BET1: variants seen among roughly 807,000 people sequenced by gnomAD.
BET1 encodes BET1 homolog.
Under a neutral mutation model 13.9 loss-of-function variants are expected in BET1, and 9 were observed. The observed-to-expected ratio is 0.65, with a 90% CI of 0.39 to 1.13. The LOEUF is 1.13. BET1 is among the 50% of genes most tolerant of loss of function. The pLI is 0.01. For missense variants in BET1, 127 were observed against 133.6 expected (o/e 0.95, Z 0.24); for synonymous variants, 39 against 47.3 (o/e 0.82, Z 0.72).
At chr7:93,966,212 A>G (rs1795170014) in intron 6 of BET1, among the ~76,000 whole-genome samples, 2 of 152,006 alleles carry the variant, frequency 1.3e-5, no homozygotes, top group Admixed American at 6.6e-5. Context: ...TAAAAGAAGC[A>G]GAGAGAATGG....
Position 93,972,569 on chromosome 7 carries a change from GCTTACATCT to G in BET1, c.*134_*137+5del, listed in dbSNP as rs1795273635. On this transcript the variant is annotated splice_donor_variant and splice_donor_5th_base_variant and 3_prime_UTR_variant and intron_variant and NMD_transcript_variant, in exon 6 of 7. Transcript: ENST00000357520. The stretch of plus-strand genomic sequence containing the variant: ...TGTGAGCTCTTTCCGCCCCATTTCT[GCTTACATCT>G]CTGGCTCCAGACTTTGATGTTTGGC... 2.0e-5 allele frequency: 3 copies of G among 151,754 alleles called. No homozygotes were observed. The South Asian group carries it at 6.2e-4, about 31-fold the overall frequency. The allele number at this position is 151,754 out of a possible 1,614,324, so 9.4% of individuals were successfully genotyped here. A position where few individuals can be genotyped will look rare whatever the true frequency, so the allele number is the denominator to read the frequency against.
intron 6 of BET1, among the ~76,000 whole-genome samples, chr7:93,967,468 A>G (rs941464183): frequency 6.6e-6 from 1 of 151,812 alleles, no homozygotes; most frequent in African/African-American, 2.4e-5. Flanking sequence ...TATTACTGGG[A>G]TCAATTCTCA....
intron 3 of BET1, 188 bp downstream of exon 3, chr7:93,996,077 C>T (rs992482114): frequency 3.1e-5 from 17 of 551,730 alleles, no homozygotes; most frequent in Non-Finnish European, 4.7e-5. Flanking sequence ...CACTTACATG[C>T]GTAAGACGAG....
chr7:94,000,083 A>G (rs1247977874), intron 1 of BET1, among the ~76,000 whole-genome samples: 2 of 151,436 alleles, frequency 1.3e-5, no homozygotes, highest in African/African-American at 4.8e-5. Flanking sequence ...GAAACGGCAT[A>G]GTTCAGGGTG....
downstream of BET1, chr7:93,991,650 A>G (rs1200993178): frequency 1.5e-5 from 4 of 270,304 alleles, no homozygotes; most frequent in South Asian, 5.7e-4. Context: ...CCTGTTTTAC[A>G]AACAGAGAAA....
chr7:93,989,697 G>A (rs965434654), downstream of BET1, among the ~76,000 whole-genome samples: 8 of 152,230 alleles, frequency 5.3e-5, no homozygotes, highest in African/African-American at 1.9e-4. Context: ...CACTGAGCCT[G>A]TGGAAATAGG....
intron 1 of BET1, among the ~76,000 whole-genome samples, chr7:94,002,809 C>A (rs1363355962): frequency 6.6e-6 from 1 of 152,132 alleles, no homozygotes; most frequent in Non-Finnish European, 1.5e-5. Flanking sequence ...TGAGTTCCTC[C>A]TATCTGGAAC....
chr7:93,984,409 G>A (rs1324496437), intron 4 of BET1, among the ~76,000 whole-genome samples: 1 of 152,140 alleles, frequency 6.6e-6, no homozygotes. Flanking sequence ...CATTTGAGAA[G>A]AGTTGGTGGA....
At chr7:94,003,374 A>AAT (rs1795956011) in intron 1 of BET1, among the ~76,000 whole-genome samples, 1 of 151,772 alleles carries the variant, frequency 6.6e-6, no homozygotes, top group Non-Finnish European at 1.5e-5. Context: ...TCAATCTTAT[A>AAT]ATGACTGAGA....
intron 4 of BET1, among the ~76,000 whole-genome samples, chr7:93,983,780 A>T (rs1795472944): frequency 6.6e-6 from 1 of 152,184 alleles, no homozygotes; most frequent in African/African-American, 2.4e-5. Flanking sequence ...AAAGGAAAAG[A>T]AATAAAGTCT....
chr7:93,999,157 G>A lies in BET1; in HGVS notation c.144+13C>T, dbSNP rs1795837229. The A allele has an allele frequency of 6.3e-7, 1 of 1,580,954 alleles. No homozygotes were observed. The highest frequency in any genetic ancestry group is 8.7e-7 in the Non-Finnish European group (1 of 1,154,612). The stretch of plus-strand genomic sequence containing the variant: ...ATGAATTAAAACACATATAATATTT[G>A]TTATATACTTACAGATTTTATAGCA... On this transcript the variant is annotated intron_variant, in intron 2 of 3. Coordinates refer to ENST00000222547, the MANE Select transcript of BET1 (RefSeq NM_005868.6).
Position 93,993,775 on chromosome 7 carries a change from T to C in BET1, c.*455A>G. 1 of 1,490,434 alleles carries C rather than the reference T, an allele frequency of 6.7e-7. No individual in the cohort carries two copies. The highest frequency in any genetic ancestry group is 1.4e-5 in the South Asian group (1 of 73,690). 92.3% of individuals were successfully genotyped at this position (1,490,434 alleles called of 1,614,324 possible). A position where few individuals can be genotyped will look rare whatever the true frequency, so the allele number is the denominator to read the frequency against. ...AAATAAAGGAGGAGAAGGGAGTATATCATTACAGTTGATGCAGTTAGGAAA... is the reference window on the plus strand; with the variant it reads ...AAATAAAGGAGGAGAAGGGAGTATACCATTACAGTTGATGCAGTTAGGAAA... On this transcript the variant is annotated 3_prime_UTR_variant, in exon 4 of 4. Coordinates refer to ENST00000222547, the MANE Select transcript of BET1 (RefSeq NM_005868.6).
chr7:93,991,626 A>G (rs1261111529), downstream of BET1: 1 of 188,424 alleles, frequency 5.3e-6, no homozygotes, highest in Non-Finnish European at 9.9e-6. Context: ...CTATATTTTT[A>G]TACAATTTTT....
intron 2 of BET1, among the ~76,000 whole-genome samples, 197 bp downstream of exon 2, chr7:93,998,973 A>T (rs73410558): frequency 0.047 from 7,117 of 152,258 alleles, 373 homozygotes; most frequent in African/African-American, 0.13. Context: ...TATTAAAAAA[A>T]ATCTATCTTT....
chr7:93,998,525 C>G (rs1202017563), intron 2 of BET1, among the ~76,000 whole-genome samples: 1 of 151,904 alleles, frequency 6.6e-6, no homozygotes, highest in Non-Finnish European at 1.5e-5. Context: ...ATGGTAAAAC[C>G]CTGTCTCTGC....
At chr7:93,991,844 G>A (rs1035973101), downstream of BET1, 90 of 966,906 alleles carry the variant, frequency 9.3e-5, no homozygotes, top group Non-Finnish European at 1.1e-4. Context: ...TTTATTGACT[G>A]CATAAACCCA....
intron 5 of BET1, among the ~76,000 whole-genome samples, chr7:93,972,896 G>A (rs1795280077): frequency 6.7e-6 from 1 of 148,708 alleles, no homozygotes; most frequent in East Asian, 2.0e-4. Flanking sequence ...GGAGGAAACT[G>A]TACATTTCAG....
chr7:93,969,918 T>C (rs370819580), intron 6 of BET1, among the ~76,000 whole-genome samples: 1 of 151,632 alleles, frequency 6.6e-6, no homozygotes, highest in Admixed American at 6.6e-5. Context: ...CAGAAAACAA[T>C]GTATACTATT....
At position 93,994,241 on chromosome 7, in the gene BET1, T is replaced by C; in HGVS notation, c.346A>G (p.Lys116Glu). 6.2e-7 allele frequency: 1 copy of C among 1,605,264 alleles called. No individual in the cohort carries two copies. The highest frequency in any genetic ancestry group is 1.3e-5 in the African/African-American group (1 of 74,612). Reference sequence around the variant, plus strand: ...CACAATTACATGCATCACCTCAGTTTAATAATCCAATAAATGATAAAAAAG... The same window carrying C: ...CACAATTACATGCATCACCTCAGTTCAATAATCCAATAAATGATAAAAAAG... ...FVFFIIYWII[K>E]LR The change falls in exon 4 of 4, where the codon AAA becomes GAA. Residue 116 changes from lysine (K) to glutamate (E), a missense_variant. Lys to Glu is a moderately conservative substitution (Grantham distance 56). Transcript: ENST00000222547.
Sources: allele counts gnomAD v4.1 joint callset (sites outside exome capture counted in the v4.1 genomes callset), GRCh38; gene constraint gnomAD v4.1.1; transcripts MANE v1.5; gene names NCBI Gene and HGNC (gene_info 2026-07-23, HGNC 2026-07-21).